Variants in ADGRV1 observed in about 807,000 individuals in gnomAD.
ADGRV1 encodes the protein G-protein coupled receptor 98.
ADGRV1 carries 359 observed loss-of-function variants against 596.2 expected under a neutral mutation model. That is an observed-to-expected ratio of 0.60 (90% CI 0.55 to 0.66). The LOEUF is 0.66. ADGRV1 is among the 30% of genes least tolerant of loss of function. ADGRV1 has a pLI of 0.00. For missense variants in ADGRV1, 7,274 were observed against 7,575.6 expected (o/e 0.96, Z 1.48); for synonymous variants, 2,681 against 2,679.2 (o/e 1.00, Z -0.02).
chr5:90,720,721 T>C (rs1436545929), intron 44 of ADGRV1, among the ~76,000 whole-genome samples: 1 of 152,218 alleles, frequency 6.6e-6, no homozygotes, highest in Non-Finnish European at 1.5e-5. Flanking sequence ...TTGATACATG[T>C]GTGAAGAAAC....
intron 83 of ADGRV1, among the ~76,000 whole-genome samples, chr5:90,866,917 A>G (rs1420729333): frequency 1.3e-5 from 2 of 152,214 alleles, no homozygotes; most frequent in Non-Finnish European, 2.9e-5. Context: ...TCTCACTTAT[A>G]TAAATGAAAA....
chr5:90,645,139 C>T (rs987674449), intron 15 of ADGRV1, among the ~76,000 whole-genome samples: 4 of 152,206 alleles, frequency 2.6e-5, no homozygotes, highest in African/African-American at 9.6e-5. Context: ...AAGCCCTCGG[C>T]TTGTATTTAG....
intron 78 of ADGRV1, among the ~76,000 whole-genome samples, chr5:90,847,005 GAC>G (rs1765952030): frequency 6.6e-6 from 1 of 152,182 alleles, no homozygotes; most frequent in African/African-American, 2.4e-5. Flanking sequence ...CCCTGAGCTA[GAC>G]ACAGAGTGCT....
intron 83 of ADGRV1, among the ~76,000 whole-genome samples, chr5:90,945,286 G>A (rs1421522146): frequency 6.6e-6 from 1 of 151,522 alleles, no homozygotes; most frequent in Non-Finnish European, 1.5e-5. Context: ...TTCTAAACTG[G>A]TTACTTCAAT....
chr5:90,763,257 C>G (rs746735869), intron 58 of ADGRV1, 48 bp from the exon 59 acceptor site: 18 of 1,347,504 alleles, frequency 1.3e-5, no homozygotes, highest in Non-Finnish European at 1.7e-5. Context: ...TTATCCTGCT[C>G]TTTTTGTTTT....
chr5:90,622,500 G>T, intron 4 of ADGRV1, 97 bp from the exon 5 acceptor site: 1 of 440,390 alleles, frequency 2.3e-6, no homozygotes, highest in Non-Finnish European at 4.1e-6. Flanking sequence ...GGATTGATGT[G>T]TCTGTGGAAA....
intron 38 of ADGRV1, among the ~76,000 whole-genome samples, chr5:90,707,671 A>T (rs568964642): frequency 6.6e-6 from 1 of 152,348 alleles, no homozygotes; most frequent in African/African-American, 2.4e-5. Context: ...CAATATAAAT[A>T]AATGGATTGA....
At chr5:90,694,732 G>T in intron 33 of ADGRV1, 31 bp downstream of exon 33, 1 of 1,512,890 alleles carries the variant, frequency 6.6e-7, no homozygotes, top group East Asian at 2.3e-5. Context: ...AATTTCCGTT[G>T]CCCCAGTAAA....
intron 86 of ADGRV1, among the ~76,000 whole-genome samples, chr5:91,100,159 T>C (rs1791242578): frequency 6.6e-6 from 1 of 152,178 alleles, no homozygotes; most frequent in Non-Finnish European, 1.5e-5. Context: ...CCATGGCTTA[T>C]ACCAGTAATC....
intron 76 of ADGRV1, among the ~76,000 whole-genome samples, chr5:90,827,501 C>T (rs972540103): frequency 6.6e-6 from 1 of 151,960 alleles, no homozygotes; most frequent in African/African-American, 2.4e-5. Flanking sequence ...ATCATCGTCA[C>T]AATGAAAAAG....
At chr5:90,834,323 A>G (rs1764772830) in intron 77 of ADGRV1, among the ~76,000 whole-genome samples, 2 of 152,092 alleles carry the variant, frequency 1.3e-5, no homozygotes, top group Admixed American at 6.6e-5. Flanking sequence ...TTCTTGTAGG[A>G]TAGGACTGGT....
At chr5:90,681,548 T>C (rs1744932703) in intron 27 of ADGRV1, 94 bp downstream of exon 27, 1 of 1,254,064 alleles carries the variant, frequency 8.0e-7, no homozygotes, top group South Asian at 1.8e-5. Flanking sequence ...TTCCTTTTTT[T>C]GTGTAGGCTG....
intron 85 of ADGRV1, among the ~76,000 whole-genome samples, chr5:90,986,331 C>T (rs1463905901): frequency 6.6e-6 from 1 of 151,764 alleles, no homozygotes; most frequent in Non-Finnish European, 1.5e-5. Context: ...TTAATTATCT[C>T]ACAGGTTATT....
At chr5:90,818,312 G>C (rs1763116527) in intron 75 of ADGRV1, among the ~76,000 whole-genome samples, 1 of 151,332 alleles carries the variant, frequency 6.6e-6, no homozygotes, top group Admixed American at 6.6e-5. Context: ...AGGAGATTTT[G>C]GGCTGAGACA....
chr5:90,596,821 G>A (rs1004187110), intron 1 of ADGRV1, among the ~76,000 whole-genome samples: 1 of 147,628 alleles, frequency 6.8e-6, no homozygotes, highest in African/African-American at 2.5e-5. Flanking sequence ...GGGCGAGGGC[G>A]AGGGAGAGGG....
intron 11 of ADGRV1, 105 bp downstream of exon 11, chr5:90,638,053 A>G: frequency 1.2e-6 from 1 of 801,516 alleles, no homozygotes. Context: ...GTAAAAAAAA[A>G]AGTCAAGTAA....
intron 50 of ADGRV1, among the ~76,000 whole-genome samples, chr5:90,732,455 CT>C (rs1405842630): frequency 6.6e-6 from 1 of 152,126 alleles, no homozygotes; most frequent in South Asian, 2.1e-4. Context: ...ACATATTTAC[CT>C]TTTTTTGATG....
chr5:90,760,916 A>G (rs142035368), intron 58 of ADGRV1, among the ~76,000 whole-genome samples: 10 of 152,386 alleles, frequency 6.6e-5, no homozygotes, highest in African/African-American at 2.4e-4. Flanking sequence ...CATGATAACT[A>G]TGACATAATA....
intron 76 of ADGRV1, among the ~76,000 whole-genome samples, chr5:90,824,176 T>G (rs997411556): frequency 6.6e-6 from 1 of 152,266 alleles, no homozygotes; most frequent in African/African-American, 2.4e-5. Flanking sequence ...TAAGTGATTT[T>G]CTTTTTGGTA....
Sources: allele counts gnomAD v4.1 joint callset (sites outside exome capture counted in the v4.1 genomes callset), GRCh38; gene constraint gnomAD v4.1.1; transcripts MANE v1.5; gene names NCBI Gene and HGNC (gene_info 2026-07-23, HGNC 2026-07-21).